PAWR: variants seen among roughly 807,000 people sequenced by gnomAD.
The protein encoded by PAWR is PRKC apoptosis WT1 regulator protein.
In PAWR, 23 loss-of-function variants were observed where a neutral mutation model predicts 32.0. That is an observed-to-expected ratio of 0.72 (90% CI 0.52 to 1.02). The LOEUF is 1.02. PAWR is among the 50% of genes least tolerant of loss of function. The pLI, the probability that PAWR is intolerant of heterozygous loss-of-function variation, is 0.00. For missense variants in PAWR, 457 were observed against 437.7 expected (o/e 1.04, Z -0.39); for synonymous variants, 226 against 187.1 (o/e 1.21, Z -1.70).
intron 2 of PAWR, among the ~76,000 whole-genome samples, chr12:79,626,405 G>A (rs1465693033): frequency 4.7e-5 from 7 of 148,738 alleles, no homozygotes; most frequent in Admixed American, 1.3e-4. Context: ...GACTACAGGC[G>A]CCCACCACCA....
chr12:79,613,508 GT>G (rs1395321583), intron 4 of PAWR, 66 bp downstream of exon 4: 2 of 813,790 alleles, frequency 2.5e-6, no homozygotes, highest in African/African-American at 3.4e-5. Flanking sequence ...AATAGTTCTA[GT>G]TAAGTCAATG....
At chr12:79,595,049 T>C (rs1257599671) in intron 5 of PAWR, among the ~76,000 whole-genome samples, 1 of 152,176 alleles carries the variant, frequency 6.6e-6, no homozygotes, top group African/African-American at 2.4e-5. Context: ...ATCACCACTA[T>C]AAGTTATGAA....
intron 2 of PAWR, among the ~76,000 whole-genome samples, chr12:79,671,891 G>A (rs1213788230): frequency 1.3e-5 from 2 of 152,114 alleles, no homozygotes; most frequent in Admixed American, 1.3e-4. Flanking sequence ...AACATAGCAA[G>A]ACCCTATCTC....
rs901027233 is a variant in PAWR, at chr12:79,589,020, A to G, written c.*3587T>C. 2.0e-5 allele frequency: 3 copies of G among 152,024 alleles called. No individual in the cohort carries two copies. The highest frequency in any genetic ancestry group is 2.1e-4 in the South Asian group (1 of 4,826). 9.4% of individuals were successfully genotyped at this position (152,024 alleles called of 1,614,324 possible). A position where few individuals can be genotyped will look rare whatever the true frequency, so the allele number is the denominator to read the frequency against. ...AAGTTGTCACACTACCTCTCAGATA[A>G]TATCAATTACAATCTTAGAGACTGT... On this transcript the variant is annotated 3_prime_UTR_variant, in exon 7 of 7. Transcript: ENST00000328827.
chr12:79,589,876 T>G lies in PAWR; in HGVS notation c.*2731A>C, dbSNP rs1873496286. ...TGAACAGGAATAATAATTTCACAAA[T>G]ACTAACACTTTATTGACAATAGACA... is the stretch of plus-strand genomic sequence containing the variant. On this transcript the variant is annotated 3_prime_UTR_variant, in exon 7 of 7. Coordinates refer to ENST00000328827, the MANE Select transcript of PAWR (RefSeq NM_002583.4). 6.6e-6 allele frequency: 1 copy of G among 152,194 alleles called. No homozygotes were observed. Among genetic ancestry groups the G allele is most frequent in the South Asian group, 2.1e-4 (1 of 4,824 alleles). The allele number at this position is 152,194 out of a possible 1,614,324, so 9.4% of individuals were successfully genotyped here.
intron 2 of PAWR, among the ~76,000 whole-genome samples, chr12:79,628,218 A>G (rs1875437770): frequency 1.3e-5 from 2 of 152,222 alleles, no homozygotes; most frequent in South Asian, 4.1e-4. Flanking sequence ...CTGGGTACAT[A>G]ATGAAATGAA....
intron 2 of PAWR, among the ~76,000 whole-genome samples, chr12:79,682,368 A>G (rs1878487912): frequency 6.6e-6 from 1 of 152,182 alleles, no homozygotes; most frequent in Non-Finnish European, 1.5e-5. Context: ...CTGCCACAGA[A>G]TTGTAATCCA....
intron 2 of PAWR, among the ~76,000 whole-genome samples, chr12:79,630,527 T>C (rs1875566952): frequency 6.6e-6 from 1 of 152,168 alleles, no homozygotes; most frequent in African/African-American, 2.4e-5. Flanking sequence ...GGTCTTGAAC[T>C]CCTGGCCTCA....
In PAWR at chr12:79,686,693, T is replaced by G. The variant is rs7967176; in HGVS notation, c.516+3036A>C. Among the ~76,000 whole-genome samples the G allele has an allele frequency of 1.7e-3, 261 of 152,286 alleles. 1 individual carries two copies. Among genetic ancestry groups the G allele is most frequent in the African/African-American group, 6.2e-3 (257 of 41,560 alleles). On this transcript the variant is annotated intron_variant, in intron 2 of 6. Transcript: ENST00000328827. ...ACAATTATGTATACATGTACATATG[T>G]GAGAACATATGTAAAAATATACAAG...
chr12:79,651,987 A>T (rs1314664948), intron 2 of PAWR, among the ~76,000 whole-genome samples: 1 of 152,192 alleles, frequency 6.6e-6, no homozygotes, highest in East Asian at 1.9e-4. Context: ...AGAGGAAATA[A>T]GCCATTCACA....
At chr12:79,613,931 TTATATATATATATATATATA>T (rs71445219) in intron 3 of PAWR, among the ~76,000 whole-genome samples, 1,482 of 46,748 alleles carry the variant, frequency 0.032, 55 homozygotes, top group African/African-American at 0.064. Context: ...AGTACCACCA[TTATATATATATATATATATA>T]TATATATATA....
Position 79,690,196 on chromosome 12 carries a change from T to C in PAWR, c.49A>G (p.Thr17Ala), listed in dbSNP as rs1172725379. The C allele has an allele frequency of 3.9e-6, 6 of 1,532,422 alleles. No individual in the cohort carries two copies. The highest frequency in any genetic ancestry group is 5.2e-6 in the Non-Finnish European group (6 of 1,143,552). 94.9% of individuals were successfully genotyped at this position (1,532,422 alleles called of 1,614,324 possible). ...RTSSGLGGST[T>A]DFLEEWKAKR... Reference sequence around the variant, plus strand: ...GCCTTCCACTCCTCCAGGAAGTCTGTGGTGCTGCCGCCGAGGCCGCTGCTG... The same window carrying C: ...GCCTTCCACTCCTCCAGGAAGTCTGCGGTGCTGCCGCCGAGGCCGCTGCTG... The change falls in exon 2 of 7, where the codon ACA becomes GCA. Residue 17 changes from threonine to alanine, a missense_variant. Transcript: ENST00000328827.
intron 2 of PAWR, among the ~76,000 whole-genome samples, chr12:79,621,535 G>A (rs562463495): frequency 7.1e-6 from 1 of 141,578 alleles, no homozygotes; most frequent in South Asian, 2.1e-4. Flanking sequence ...AAGGCATTCT[G>A]CAGAAGGTAA....
rs375897879 is a variant in PAWR at position 79,654,706 on chromosome 12, G to A, written c.517-33499C>T. 1.4e-4 allele frequency among the ~76,000 whole-genome samples: 21 copies of A among 152,310 alleles called. No homozygotes were observed. In the East Asian group the frequency reaches 3.1e-3, roughly 22 times the overall value. ...ACAATCATGGAGGAAGGCGAAGCAG[G>A]CACCTTCTTCAAAAGGTGGCAGGAG... On this transcript the variant is annotated intron_variant, in intron 2 of 6. Coordinates refer to ENST00000328827, the MANE Select transcript of PAWR (RefSeq NM_002583.4).
intron 2 of PAWR, among the ~76,000 whole-genome samples, chr12:79,653,746 T>C (rs1426426849): frequency 6.6e-6 from 1 of 152,264 alleles, no homozygotes; most frequent in Non-Finnish European, 1.5e-5. Flanking sequence ...CCCAAAGTAC[T>C]GGGATTACAG....
At position 79,684,367 on chromosome 12, in the gene PAWR, T is replaced by C. The variant is rs1218639417; in HGVS notation, c.516+5362A>G. ...AGCTCCCACCTGTAATCCAAGCACT[T>C]TGGGAGGCTGAGGCGGGTAGATCAC... On this transcript the variant is annotated intron_variant, in intron 2 of 6. Coordinates refer to ENST00000328827, the MANE Select transcript of PAWR (RefSeq NM_002583.4). 3.3e-5 allele frequency among the ~76,000 whole-genome samples: 5 copies of C among 152,124 alleles called. 1 individual carries two copies. Among genetic ancestry groups the C allele is most frequent in the South Asian group, 2.1e-4 (1 of 4,818 alleles).
chr12:79,646,110 T>C (rs1340906154), intron 2 of PAWR, among the ~76,000 whole-genome samples: 2 of 152,188 alleles, frequency 1.3e-5, no homozygotes, highest in Non-Finnish European at 2.9e-5. Context: ...ATTACATTGA[T>C]TGAGCATCCC....
At chr12:79,598,975 T>G (rs1388993557) in intron 4 of PAWR, among the ~76,000 whole-genome samples, 1 of 152,184 alleles carries the variant, frequency 6.6e-6, no homozygotes, top group African/African-American at 2.4e-5. Context: ...GACCTCGTGA[T>G]CCACCTGCCC....
At chr12:79,633,052 G>C (rs1479372986) in intron 2 of PAWR, among the ~76,000 whole-genome samples, 1 of 152,048 alleles carries the variant, frequency 6.6e-6, no homozygotes, top group East Asian at 1.9e-4. Context: ...GAGAATCCGA[G>C]AGGCGGAGGT....
Sources: allele counts gnomAD v4.1 joint callset (sites outside exome capture counted in the v4.1 genomes callset), GRCh38; gene constraint gnomAD v4.1.1; transcripts MANE v1.5; gene names NCBI Gene and HGNC (gene_info 2026-07-23, HGNC 2026-07-21).